The following COPA variants were observed in gnomAD, a reference collection of about 807,000 sequenced individuals.
COPA encodes the protein coat protein complex I subunit alpha.
A neutral mutation model predicts 158.7 loss-of-function variants in COPA; 10 were observed. The ratio of observed to expected loss-of-function variants is 0.06; its 90% CI spans 0.04 to 0.11. COPA has a LOEUF of 0.11. COPA is among the 10% of genes least tolerant of loss of function. The pLI, the probability that COPA is intolerant of heterozygous loss-of-function variation, is 1.00. For synonymous variants in COPA, 462 were observed against 542.8 expected (o/e 0.85, Z 2.07); for missense variants, 1,065 against 1,536.7 (o/e 0.69, Z 5.13).
intron 14 of COPA, 58 bp downstream of exon 14, chr1:160,307,105 A>G (rs1658813253): frequency 6.5e-7 from 1 of 1,531,876 alleles, no homozygotes. Context: ...ATTTTGCAAT[A>G]CACAGGCCAC....
chr1:160,319,643 C>T (rs1489895828), intron 8 of COPA, among the ~76,000 whole-genome samples: 4 of 151,276 alleles, frequency 2.6e-5, no homozygotes, highest in Non-Finnish European at 5.9e-5. Context: ...ACAAAACAAG[C>T]TTGAAAAAAT....
At chr1:160,334,935 A>G (rs972340357) in intron 4 of COPA, among the ~76,000 whole-genome samples, 13 of 152,182 alleles carry the variant, frequency 8.5e-5, no homozygotes, top group African/African-American at 2.9e-4. Flanking sequence ...AATACCCTAC[A>G]TGGGATTAGC....
intron 6 of COPA, among the ~76,000 whole-genome samples, chr1:160,327,409 T>C (rs1648664863): frequency 7.4e-6 from 1 of 134,922 alleles, no homozygotes; most frequent in Non-Finnish European, 1.6e-5. Flanking sequence ...TGACGGCGCA[T>C]GCCTGTAATC....
At chr1:160,338,121 CTTAA>C (rs975080130) in intron 3 of COPA, among the ~76,000 whole-genome samples, 52 of 152,250 alleles carry the variant, frequency 3.4e-4, no homozygotes, top group African/African-American at 1.2e-3. Flanking sequence ...AAAACTTTTT[CTTAA>C]TTAACACCCA....
intron 8 of COPA, among the ~76,000 whole-genome samples, chr1:160,320,852 A>C (rs1423853807): frequency 6.7e-6 from 1 of 149,614 alleles, no homozygotes; most frequent in Middle Eastern, 3.2e-3. Flanking sequence ...TCATTCTATG[A>C]GGCCAGCATT....
rs770215371 is a variant in COPA, at chr1:160,303,043, T to C, written c.1667+2390A>G. Among the ~76,000 whole-genome samples, 10 of 151,900 alleles carry C rather than the reference T, an allele frequency of 6.6e-5. No homozygotes were observed. The South Asian group carries it at 1.9e-3, about 28-fold the overall frequency. On this transcript the variant is annotated intron_variant, in intron 17 of 32. Transcript: ENST00000241704. ...CAAGTATTAGCTGGGTGTGGTGGCA[T>C]GCGCCTATAATACCAGCTACTCAGG...
intron 6 of COPA, among the ~76,000 whole-genome samples, chr1:160,330,123 C>G (rs1409246545): frequency 6.6e-6 from 1 of 151,872 alleles, no homozygotes; most frequent in African/African-American, 2.4e-5. Flanking sequence ...CACCGCCACC[C>G]CCCCCAAAAA....
chr1:160,330,879 C>A (rs74123108), intron 6 of COPA, among the ~76,000 whole-genome samples: 7,116 of 152,072 alleles, frequency 0.047, 525 homozygotes, highest in African/African-American at 0.16. Context: ...GAAATGAATA[C>A]AAAGAAACAA....
intron 1 of COPA, among the ~76,000 whole-genome samples, chr1:160,342,000 C>G (rs1422635389): frequency 1.3e-5 from 2 of 152,118 alleles, no homozygotes; most frequent in Non-Finnish European, 2.9e-5. Flanking sequence ...TAATGGTACC[C>G]ATCTTTCAAG....
At chr1:160,307,398 T>C (rs1658825854) in intron 13 of COPA, among the ~76,000 whole-genome samples, 153 bp from the exon 14 acceptor site, 2 of 152,210 alleles carry the variant, frequency 1.3e-5, no homozygotes, top group African/African-American at 4.8e-5. Context: ...CCTGGGGCTA[T>C]TATTGAGTGA....
intron 7 of COPA, among the ~76,000 whole-genome samples, 153 bp from the exon 8 acceptor site, chr1:160,323,683 G>A (rs1261588600): frequency 6.6e-6 from 1 of 152,156 alleles, no homozygotes; most frequent in African/African-American, 2.4e-5. Flanking sequence ...TTGAGCATCA[G>A]AATTACCATG....
intron 13 of COPA, among the ~76,000 whole-genome samples, chr1:160,308,172 A>C (rs1658850774): frequency 1.1e-5 from 1 of 90,882 alleles, no homozygotes; most frequent in Non-Finnish European, 2.1e-5. Context: ...TTGTAAACAC[A>C]GATGGGGAAA....
intron 7 of COPA, among the ~76,000 whole-genome samples, chr1:160,324,898 A>G (rs1395052927): frequency 6.6e-6 from 1 of 152,216 alleles, no homozygotes; most frequent in Non-Finnish European, 1.5e-5. Flanking sequence ...GTATATTGTG[A>G]CAGAATCCTG....
At chr1:160,313,056 A>G (rs1009140508) in intron 10 of COPA, 29 bp downstream of exon 10, 3 of 1,595,604 alleles carry the variant, frequency 1.9e-6, no homozygotes, top group Non-Finnish European at 2.6e-6. Context: ...TGAATTAAGC[A>G]AAGAAAAAAG....
At chr1:160,297,466 G>A (rs1658453262) in intron 20 of COPA, 28 bp from the exon 21 acceptor site, 1 of 1,612,582 alleles carries the variant, frequency 6.2e-7, no homozygotes. Context: ...CACCAAGTTA[G>A]GTCTTTTCTC....
intron 7 of COPA, among the ~76,000 whole-genome samples, chr1:160,324,285 C>CTTTTTTT (rs750360211): frequency 3.9e-5 from 4 of 102,346 alleles, no homozygotes; most frequent in Non-Finnish European, 8.3e-5. Context: ...CTTCTTCATT[C>CTTTTTTT]TTTTTTTTTT....
intron 17 of COPA, among the ~76,000 whole-genome samples, chr1:160,299,962 G>C (rs1658544027): frequency 6.6e-6 from 1 of 152,122 alleles, no homozygotes; most frequent in South Asian, 2.1e-4. Context: ...CCTCTCATGA[G>C]GGTAATTCAG....
Position 160,338,840 on chromosome 1 carries a change from T to C in COPA, c.228+1069A>G, listed in dbSNP as rs141727994. 3.9e-3 allele frequency among the ~76,000 whole-genome samples: 599 copies of C among 152,310 alleles called. 5 individuals carry two copies. The highest frequency in any genetic ancestry group is 0.014 in the African/African-American group (564 of 41,564). On this transcript the variant is annotated intron_variant, in intron 3 of 32. Coordinates refer to ENST00000241704, the MANE Select transcript of COPA (RefSeq NM_004371.4). ...CCTCTCTCTCCCTTAAATGATGGTCTGTCTTCTTATTCAACGTACTCCTTG... is the reference window on the plus strand; with the variant it reads ...CCTCTCTCTCCCTTAAATGATGGTCCGTCTTCTTATTCAACGTACTCCTTG...
intron 6 of COPA, among the ~76,000 whole-genome samples, chr1:160,332,035 G>A (rs1216868088): frequency 6.6e-6 from 1 of 152,062 alleles, no homozygotes; most frequent in Non-Finnish European, 1.5e-5. Flanking sequence ...ACGTAATAGA[G>A]AGATTTTACT....
Sources: gnomAD v4.1 joint callset for allele counts (sites outside exome capture counted in the v4.1 genomes callset) on GRCh38, gnomAD v4.1.1 for gene constraint, MANE v1.5 for transcripts, NCBI Gene and HGNC (gene_info 2026-07-23, HGNC 2026-07-21) for gene names.